The following NKAIN2 variants were observed in gnomAD, a reference collection of about 807,000 sequenced individuals.
NKAIN2 encodes the protein sodium/potassium-transporting ATPase subunit beta-1-interacting protein 2.
NKAIN2 carries 14 observed loss-of-function variants against 32.6 expected under a neutral mutation model. The ratio of observed to expected loss-of-function variants is 0.43; its 90% CI spans 0.28 to 0.67. The LOEUF is 0.67. NKAIN2 is among the 30% of genes least tolerant of loss of function. The probability of loss-of-function intolerance (pLI) is 0.17; values close to 1 mark genes in which losing one functional copy is unlikely to be tolerated. For synonymous variants in NKAIN2, 80 were observed against 87.2 expected (o/e 0.92, Z 0.46); for missense variants, 198 against 258.3 (o/e 0.77, Z 1.60).
intron 2 of NKAIN2, among the ~76,000 whole-genome samples, chr6:124,343,310 T>C (rs1359557096): frequency 2.6e-5 from 4 of 151,780 alleles, no homozygotes; most frequent in African/African-American, 9.7e-5. Flanking sequence ...TGTGTCTTTA[T>C]AGCAGCATGA....
chr6:124,780,623 A>T lies in NKAIN2; in HGVS notation c.475-10716A>T, dbSNP rs536650997. ...AAGCATAGGCTTGAGCCAATCATGA[A>T]TGTCCTTCGACACTTTGCTATCATG... On this transcript the variant is annotated intron_variant, in intron 4 of 6. Transcript: ENST00000368417. 2.6e-5 allele frequency among the ~76,000 whole-genome samples: 4 copies of T among 152,328 alleles called. No homozygotes were observed. In the East Asian group the frequency reaches 5.8e-4, roughly 22 times the overall value.
intron 4 of NKAIN2, among the ~76,000 whole-genome samples, chr6:124,729,655 G>A (rs1776548035): frequency 6.6e-6 from 1 of 151,190 alleles, no homozygotes; most frequent in African/African-American, 2.4e-5. Context: ...GCACAAGACA[G>A]GGATGCCCTC....
intron 1 of NKAIN2, among the ~76,000 whole-genome samples, chr6:124,103,991 C>A (rs1052868786): frequency 6.6e-6 from 1 of 152,058 alleles, no homozygotes; most frequent in Non-Finnish European, 1.5e-5. Flanking sequence ...GAGGCTGAGG[C>A]GGGACAATGG....
At chr6:124,453,322 A>C (rs1366058220) in intron 3 of NKAIN2, among the ~76,000 whole-genome samples, 5 of 63,932 alleles carry the variant, frequency 7.8e-5, no homozygotes, top group African/African-American at 1.5e-4. Flanking sequence ...CATGCATATA[A>C]ACACACACAC....
chr6:124,018,300 G>A (rs975185142), intron 1 of NKAIN2, among the ~76,000 whole-genome samples: 1 of 152,126 alleles, frequency 6.6e-6, no homozygotes, highest in East Asian at 1.9e-4. Context: ...TACACTCTGG[G>A]CCTGTGATAG....
chr6:123,827,893 CTCTA>C (rs1439223665), intron 1 of NKAIN2, among the ~76,000 whole-genome samples: 6 of 150,934 alleles, frequency 4.0e-5, no homozygotes, highest in Non-Finnish European at 7.4e-5. Context: ...CTCTCTCTCT[CTCTA>C]TATATATATA....
chr6:124,250,467 T>A (rs189816825), intron 1 of NKAIN2, among the ~76,000 whole-genome samples: 1 of 152,218 alleles, frequency 6.6e-6, no homozygotes, highest in Admixed American at 6.6e-5. Context: ...AATAATCACA[T>A]TATTAAATTA....
At chr6:124,053,997 AATTG>A (rs1266158515) in intron 1 of NKAIN2, among the ~76,000 whole-genome samples, 1 of 152,042 alleles carries the variant, frequency 6.6e-6, no homozygotes, top group Admixed American at 6.6e-5. Flanking sequence ...GTAGTTAATA[AATTG>A]ATTGCATGAA....
chr6:123,846,527 A>G (rs906227362), intron 1 of NKAIN2, among the ~76,000 whole-genome samples: 2 of 152,126 alleles, frequency 1.3e-5, no homozygotes, highest in East Asian at 1.9e-4. Context: ...TTTGCAGTTG[A>G]TGTTTTGCAT....
At chr6:124,389,906 T>C (rs1233098886) in intron 3 of NKAIN2, among the ~76,000 whole-genome samples, 1 of 152,006 alleles carries the variant, frequency 6.6e-6, no homozygotes, top group Non-Finnish European at 1.5e-5. Context: ...AGAAAACTCT[T>C]AGGTAGATAT....
chr6:124,611,133 T>C (rs1782673623), intron 3 of NKAIN2, among the ~76,000 whole-genome samples: 1 of 152,188 alleles, frequency 6.6e-6, no homozygotes, highest in Non-Finnish European at 1.5e-5. Context: ...TTAAATATTA[T>C]CCAAACTCTA....
intron 3 of NKAIN2, among the ~76,000 whole-genome samples, chr6:124,557,490 A>G (rs959506912): frequency 1.3e-5 from 2 of 152,202 alleles, no homozygotes; most frequent in Non-Finnish European, 2.9e-5. Flanking sequence ...CTGATTAAGG[A>G]AAACAAAACA....
chr6:124,638,111 T>C (rs1301983198), intron 3 of NKAIN2, among the ~76,000 whole-genome samples: 1 of 152,140 alleles, frequency 6.6e-6, no homozygotes, highest in Non-Finnish European at 1.5e-5. Context: ...AAAATCCATG[T>C]ATTCACAGCT....
chr6:124,632,466 T>C (rs1783607951), intron 3 of NKAIN2, among the ~76,000 whole-genome samples: 1 of 152,114 alleles, frequency 6.6e-6, no homozygotes. Context: ...AATGATTGAA[T>C]TGTTTGTTTC....
At chr6:124,446,191 A>G (rs549449358) in intron 3 of NKAIN2, among the ~76,000 whole-genome samples, 2 of 152,164 alleles carry the variant, frequency 1.3e-5, no homozygotes, top group East Asian at 1.9e-4. Flanking sequence ...GTTCCTCCAT[A>G]TTGCTTCTAT....
At chr6:124,574,787 T>TTGAA (rs1206179402) in intron 3 of NKAIN2, among the ~76,000 whole-genome samples, 1 of 152,168 alleles carries the variant, frequency 6.6e-6, no homozygotes, top group East Asian at 1.9e-4. Flanking sequence ...ATCTATAAAA[T>TTGAA]TGAACACTTA....
chr6:124,731,233 A>C (rs2114663918), intron 4 of NKAIN2, among the ~76,000 whole-genome samples: 1 of 132,460 alleles, frequency 7.5e-6, no homozygotes, highest in African/African-American at 2.8e-5. Context: ...AGGACTATAA[A>C]TCATGCTGCT....
At chr6:123,810,558 C>T (rs1773417764) in intron 1 of NKAIN2, among the ~76,000 whole-genome samples, 1 of 152,024 alleles carries the variant, frequency 6.6e-6, no homozygotes. Flanking sequence ...TGCATTTGGG[C>T]CAACTTTTGA....
At chr6:124,548,532 G>A (rs1375314787) in intron 3 of NKAIN2, among the ~76,000 whole-genome samples, 5 of 152,154 alleles carry the variant, frequency 3.3e-5, no homozygotes, top group Admixed American at 6.5e-5. Context: ...CACTCATTGC[G>A]AAGGAGAAAA....
Sources: allele counts gnomAD v4.1 joint callset (sites outside exome capture counted in the v4.1 genomes callset), GRCh38; gene constraint gnomAD v4.1.1; transcripts MANE v1.5; gene names NCBI Gene and HGNC (gene_info 2026-07-23, HGNC 2026-07-21).